Variants in FMN2 observed in about 807,000 individuals in gnomAD.
FMN2 encodes formin-2.
In FMN2, 51 loss-of-function variants were observed where a neutral mutation model predicts 142.3. The ratio of observed to expected loss-of-function variants is 0.36; its 90% CI spans 0.29 to 0.45. The LOEUF (loss-of-function observed/expected upper bound fraction) is 0.45. Ranked by LOEUF, FMN2 falls within the 20% of genes least tolerant of loss-of-function variation. The pLI, the probability that FMN2 is intolerant of heterozygous loss-of-function variation, is 1.00. For missense variants in FMN2, 1,936 were observed against 2,122.8 expected, an observed-to-expected ratio of 0.91 and a Z score of 1.73; for synonymous variants, 882 against 869.8, an observed-to-expected ratio of 1.01 and a Z score of -0.25.
In FMN2 at chr1:240,181,703, G is replaced by A. The variant is rs368158871; in HGVS notation, c.1930+3635G>A. ...AAGGATAAGACTGGCTGGGAAAAAA[G>A]GAAGTAATGTGCTTCCCATGTTGGT... On this transcript the variant is annotated intron_variant, in intron 3 of 17. Transcript: ENST00000319653. Among the ~76,000 whole-genome samples the A allele has an allele frequency of 3.9e-5, 6 of 152,282 alleles. No homozygotes were observed. The East Asian group carries it at 1.2e-3, about 29-fold the overall frequency.
At chr1:240,310,841 ATG>A (rs1670580928) in intron 8 of FMN2, among the ~76,000 whole-genome samples, 1 of 152,154 alleles carries the variant, frequency 6.6e-6, no homozygotes, top group Non-Finnish European at 1.5e-5. Context: ...CAATTCAAAA[ATG>A]TGTCTGTTAA....
At chr1:240,149,247 A>T (rs191492897) in intron 2 of FMN2, among the ~76,000 whole-genome samples, 1 of 152,204 alleles carries the variant, frequency 6.6e-6, no homozygotes, top group Non-Finnish European at 1.5e-5. Flanking sequence ...TTTATATTCT[A>T]TATTAAGAAG....
chr1:240,252,719 G>C (rs901733402), intron 6 of FMN2, among the ~76,000 whole-genome samples: 3 of 151,758 alleles, frequency 2.0e-5, no homozygotes, highest in South Asian at 2.1e-4. Context: ...ACTTTTGACA[G>C]TTTGACTCTA....
At chr1:240,362,661 GAA>G (rs937647461) in intron 14 of FMN2, among the ~76,000 whole-genome samples, 6 of 152,306 alleles carry the variant, frequency 3.9e-5, no homozygotes, top group South Asian at 2.1e-4. Context: ...CACTGGGAGA[GAA>G]ATACAAGCCT....
At chr1:240,212,229 T>C (rs1464674515) in intron 6 of FMN2, among the ~76,000 whole-genome samples, 1 of 152,188 alleles carries the variant, frequency 6.6e-6, no homozygotes, top group African/African-American at 2.4e-5. Flanking sequence ...TCCATTGATA[T>C]TTATTTCAGA....
At position 240,312,230 on chromosome 1, in the gene FMN2, A is replaced by G. The variant is rs76437560; in HGVS notation, c.4216-16846A>G. On this transcript the variant is annotated intron_variant, in intron 8 of 17. Transcript: ENST00000319653. The stretch of plus-strand genomic sequence containing the variant: ...ACCCACCCCCTTTTAGTTTCTCAAA[A>G]CCATGCAGATCCTACCACTAGAACA... Among the ~76,000 whole-genome samples the G allele has an allele frequency of 7.7e-3, 1,178 of 152,176 alleles. 17 individuals are homozygous for G. Among genetic ancestry groups the G allele is most frequent in the African/African-American group, 0.026 (1,093 of 41,500 alleles).
Position 240,407,982 on chromosome 1 carries a change from C to T in FMN2, c.4910+15420C>T, listed in dbSNP as rs570804479. On this transcript the variant is annotated intron_variant, in intron 15 of 17. Coordinates refer to ENST00000319653, the MANE Select transcript of FMN2 (RefSeq NM_020066.5). ...GATGAGCATGAATAAATGTAGATTT[C>T]GCATCCTACTTCCAGAAAATTGCCA... is the stretch of plus-strand genomic sequence containing the variant. Among the ~76,000 whole-genome samples the T allele has an allele frequency of 9.2e-5, 14 of 152,280 alleles. No homozygotes were observed. In the East Asian group the frequency reaches 1.5e-3, roughly 17 times the overall value.
intron 16 of FMN2, among the ~76,000 whole-genome samples, chr1:240,439,130 G>T (rs777813190): frequency 6.6e-6 from 1 of 151,754 alleles, no homozygotes; most frequent in African/African-American, 2.4e-5. Context: ...AAAATTAGCC[G>T]GGCATTGTGG....
intron 6 of FMN2, among the ~76,000 whole-genome samples, chr1:240,246,072 C>T (rs567959446): frequency 1.3e-5 from 2 of 152,170 alleles, no homozygotes; most frequent in African/African-American, 4.8e-5. Flanking sequence ...CCCAGCTACT[C>T]GGGAGACTGA....
Position 240,441,791 on chromosome 1 carries a change from G to A in FMN2, c.5060+3581G>A, listed in dbSNP as rs150616862. On this transcript the variant is annotated intron_variant, in intron 16 of 17. Transcript: ENST00000319653. ...CTTTCCCCTCTTTGTGTCTCCATAA[G>A]TATTTGCTGACTTGTTGCATCATTA... Among the ~76,000 whole-genome samples the A allele has an allele frequency of 1.1e-4, 16 of 151,918 alleles. No homozygotes were observed. The East Asian group carries it at 3.1e-3, about 29-fold the overall frequency.
chr1:240,408,858 CAA>C (rs1410734795), intron 15 of FMN2, among the ~76,000 whole-genome samples: 1 of 152,106 alleles, frequency 6.6e-6, no homozygotes, highest in African/African-American at 2.4e-5. Context: ...CAAAACAAAA[CAA>C]AACACCAGTG....
intron 6 of FMN2, among the ~76,000 whole-genome samples, chr1:240,239,119 A>G (rs1238857876): frequency 1.3e-5 from 2 of 152,216 alleles, no homozygotes; most frequent in African/African-American, 2.4e-5. Context: ...TAGAATAACA[A>G]TATTTTAAAA....
At chr1:240,261,351 C>CTT (rs397983486) in intron 7 of FMN2, among the ~76,000 whole-genome samples, 89 of 145,616 alleles carry the variant, frequency 6.1e-4, no homozygotes, top group Non-Finnish European at 8.6e-4. Context: ...TTAACCAGTA[C>CTT]TTTTTTTTTT....
chr1:240,298,219 C>T (rs1194455191), intron 8 of FMN2, among the ~76,000 whole-genome samples: 1 of 152,106 alleles, frequency 6.6e-6, no homozygotes, highest in Non-Finnish European at 1.5e-5. Flanking sequence ...GAGGGTGATT[C>T]ACAATTATTA....
rs370727065 is a variant in FMN2, at chr1:240,330,210, C to T, written c.4438-393C>T. On this transcript the variant is annotated intron_variant, in intron 10 of 17. Transcript: ENST00000319653. ...TGCCAAACATTGGTATTGTTCCAGA[C>T]GTAGGCACCATTAAGACAATGGCAG... Among the ~76,000 whole-genome samples, 5 of 152,268 alleles carry T rather than the reference C, an allele frequency of 3.3e-5. 1 individual carries two copies. In the South Asian group the frequency reaches 6.2e-4, roughly 19 times the overall value.
At chr1:240,145,114 A>G in intron 2 of FMN2, 1 of 1,480,894 alleles carries the variant, frequency 6.8e-7, no homozygotes, top group Non-Finnish European at 9.4e-7. Context: ...AAGTCATGGA[A>G]GTTGTAGAAG....
intron 8 of FMN2, among the ~76,000 whole-genome samples, chr1:240,313,503 A>G (rs1558427424): frequency 6.6e-6 from 1 of 152,190 alleles, no homozygotes; most frequent in African/African-American, 2.4e-5. Flanking sequence ...CTTGAATACA[A>G]TATCTAACAA....
At chr1:240,450,698 C>T (rs958923050) in intron 16 of FMN2, among the ~76,000 whole-genome samples, 1 of 152,176 alleles carries the variant, frequency 6.6e-6, no homozygotes, top group Non-Finnish European at 1.5e-5. Flanking sequence ...CTCCGTAGCT[C>T]ATTGATCTCT....
intron 14 of FMN2, among the ~76,000 whole-genome samples, chr1:240,361,806 AC>A (rs945390472): frequency 6.6e-6 from 1 of 152,198 alleles, no homozygotes; most frequent in Non-Finnish European, 1.5e-5. Flanking sequence ...GGATGTGGTC[AC>A]CTAGGAGGTT....
Sources: gnomAD v4.1 joint callset for allele counts (sites outside exome capture counted in the v4.1 genomes callset) on GRCh38, gnomAD v4.1.1 for gene constraint, MANE v1.5 for transcripts, NCBI Gene and HGNC (gene_info 2026-07-23, HGNC 2026-07-21) for gene names.